Variants in SIRPG observed in about 807,000 individuals in gnomAD.
The protein encoded by SIRPG is signal regulatory protein gamma, also known as signal-regulatory protein gamma.
SIRPG carries 38 observed loss-of-function variants against 35.7 expected under a neutral mutation model. That is an observed-to-expected ratio of 1.06 (90% CI 0.82 to 1.40). The LOEUF (loss-of-function observed/expected upper bound fraction) is 1.40. Ranked by LOEUF, SIRPG falls within the 40% of genes most tolerant of loss-of-function variation. SIRPG has a pLI of 0.00. For synonymous variants in SIRPG, 215 were observed against 190.4 expected (o/e 1.13, Z -1.06); for missense variants, 519 against 483.0 (o/e 1.07, Z -0.70).
chr20:1,668,279 T>TTTTC, the SIRPG span, among the ~76,000 whole-genome samples: 156 of 150,878 alleles, frequency 1.0e-3, 1 homozygote, highest in Non-Finnish European at 1.7e-3. Flanking sequence ...TCTTTCTTTC[T>TTTTC]TTTCTTTCTT....
At chr20:1,655,279 G>T (rs1286923984) in intron 1 of SIRPG, among the ~76,000 whole-genome samples, 1 of 152,152 alleles carries the variant, frequency 6.6e-6, no homozygotes, top group Non-Finnish European at 1.5e-5. Flanking sequence ...ATCAACCTAG[G>T]TGTCTATCAG....
At chr20:1,682,019 T>C in the SIRPG span, among the ~76,000 whole-genome samples, 1 of 152,220 alleles carries the variant, frequency 6.6e-6, no homozygotes, top group Non-Finnish European at 1.5e-5. Flanking sequence ...TCTGCAACTT[T>C]ATCCACTTCT....
chr20:1,670,789 C>A, the SIRPG span: 1 of 190,402 alleles, frequency 5.3e-6, no homozygotes, highest in East Asian at 1.8e-4. Flanking sequence ...AATTAGATTC[C>A]AGGAAATCCA....
At chr20:1,658,070 T>C (rs1175636469), upstream of SIRPG, among the ~76,000 whole-genome samples, 2 of 152,110 alleles carry the variant, frequency 1.3e-5, no homozygotes, top group Non-Finnish European at 2.9e-5. Context: ...TGTTGTTAGG[T>C]ATTGTTTTCT....
At chr20:1,667,685 C>G in the SIRPG span, among the ~76,000 whole-genome samples, 1 of 152,134 alleles carries the variant, frequency 6.6e-6, no homozygotes, top group Admixed American at 6.5e-5. Context: ...TAAGCATGTT[C>G]TGGGCAGTCC....
intron 2 of SIRPG, chr20:1,646,875 G>T (rs1468726983): frequency 6.6e-6 from 1 of 152,178 alleles, no homozygotes. Context: ...TTGAACTCCT[G>T]ACCTCAGGTG....
upstream of SIRPG, among the ~76,000 whole-genome samples, chr20:1,661,376 G>A (rs2091995334): frequency 1.3e-5 from 2 of 152,222 alleles, no homozygotes; most frequent in Non-Finnish European, 1.5e-5. Context: ...TGGAAAAGCT[G>A]TTCCAAATCT....
chr20:1,635,277 A>G lies in SIRPG; in HGVS notation c.1071T>C (p.Asp357=). The stretch of plus-strand genomic sequence containing the variant: ...TTTGAGTAACCTCACCAGGGGTAGC[A>G]TCTGAGCTCTGGTCCTTCTGGTGGA... ...VTVHQKDQSS[D]ATPGPASSLT... The change falls in exon 4 of 6, where the codon GAT becomes GAC. Residue 357 remains aspartate (D), a synonymous_variant. Transcript: ENST00000303415. 2 of 1,608,050 alleles carry G rather than the reference A, an allele frequency of 1.2e-6. No homozygotes were observed. Among genetic ancestry groups the G allele is most frequent in the Non-Finnish European group, 1.7e-6 (2 of 1,175,198 alleles).
At chr20:1,684,182 C>A in the SIRPG span, among the ~76,000 whole-genome samples, 1 of 152,188 alleles carries the variant, frequency 6.6e-6, no homozygotes, top group East Asian at 1.9e-4. Context: ...GTTCTCACCA[C>A]AAAAAGTGAT....
the SIRPG span, among the ~76,000 whole-genome samples, chr20:1,677,997 C>G: frequency 1.3e-5 from 2 of 152,106 alleles, no homozygotes; most frequent in Admixed American, 6.5e-5. Flanking sequence ...CTATAATAAT[C>G]ATTACACTAT....
upstream of SIRPG, among the ~76,000 whole-genome samples, chr20:1,660,236 C>G (rs891874845): frequency 2.6e-5 from 4 of 151,888 alleles, no homozygotes. Context: ...TTTAAAAAAA[C>G]TTAATAGGTT....
chr20:1,671,753 C>A, the SIRPG span, among the ~76,000 whole-genome samples: 1 of 152,102 alleles, frequency 6.6e-6, no homozygotes, highest in Non-Finnish European at 1.5e-5. Context: ...AAGGGATGGG[C>A]CGAAGTAAAG....
the SIRPG span, among the ~76,000 whole-genome samples, chr20:1,674,441 C>T: frequency 1.3e-5 from 2 of 152,154 alleles, no homozygotes; most frequent in African/African-American, 2.4e-5. Flanking sequence ...TTTCTGTCCC[C>T]AGTCTGTGAG....
the SIRPG span, chr20:1,670,191 C>G: frequency 3.9e-6 from 1 of 259,112 alleles, no homozygotes; most frequent in Non-Finnish European, 8.4e-6. Flanking sequence ...GTGACGTTCA[C>G]CTGGTTCCCT....
chr20:1,673,616 A>C, the SIRPG span, among the ~76,000 whole-genome samples: 1 of 152,064 alleles, frequency 6.6e-6, no homozygotes, highest in Non-Finnish European at 1.5e-5. Flanking sequence ...GCTCATGACA[A>C]ACCCAAATGA....
intron 2 of SIRPG, among the ~76,000 whole-genome samples, chr20:1,645,788 C>A (rs551445891): frequency 6.6e-6 from 1 of 152,136 alleles, no homozygotes; most frequent in East Asian, 1.9e-4. Flanking sequence ...ACTGTTCTGC[C>A]GAAGCTCAGT....
chr20:1,661,708 G>C (rs551437298), upstream of SIRPG, among the ~76,000 whole-genome samples: 1 of 152,232 alleles, frequency 6.6e-6, no homozygotes, highest in Non-Finnish European at 1.5e-5. Context: ...AAAGGGCCAT[G>C]AGACTGGGAC....
chr20:1,638,103 G>A (rs944442465), intron 2 of SIRPG, among the ~76,000 whole-genome samples: 11 of 152,210 alleles, frequency 7.2e-5, no homozygotes, highest in African/African-American at 2.4e-4. Context: ...GCTGTAACCA[G>A]TTGCCATTTA....
At chr20:1,674,992 C>T in the SIRPG span, among the ~76,000 whole-genome samples, 1 of 152,172 alleles carries the variant, frequency 6.6e-6, no homozygotes, top group Non-Finnish European at 1.5e-5. Flanking sequence ...GCCCTGAATT[C>T]TTGAGCCCCA....
Sources: gnomAD v4.1 joint callset for allele counts (sites outside exome capture counted in the v4.1 genomes callset) on GRCh38, gnomAD v4.1.1 for gene constraint, MANE v1.5 for transcripts, NCBI Gene and HGNC (gene_info 2026-07-23, HGNC 2026-07-21) for gene names.